The following NCKAP5 variants were observed in gnomAD, a reference collection of about 807,000 sequenced individuals.
The protein encoded by NCKAP5 is nck-associated protein 5.
In NCKAP5, 92 loss-of-function variants were observed where a neutral mutation model predicts 167.0. The observed-to-expected ratio is 0.55, with a 90% CI of 0.47 to 0.66. The LOEUF (loss-of-function observed/expected upper bound fraction) is 0.66. NCKAP5 is among the 30% of genes least tolerant of loss of function. NCKAP5 has a pLI of 0.00. For synonymous variants in NCKAP5, 891 were observed against 877.4 expected, an observed-to-expected ratio of 1.02 and a Z score of -0.27; for missense variants, 2,378 against 2,315.0, an observed-to-expected ratio of 1.03 and a Z score of -0.56.
chr2:133,597,673 C>CAAAAAAAAAAAAAAA, the NCKAP5 span, among the ~76,000 whole-genome samples: 27 of 61,102 alleles, frequency 4.4e-4, no homozygotes, highest in African/African-American at 1.2e-3. Flanking sequence ...GACTCTGTCT[C>CAAAAAAAAAAAAAAA]AAAAAAAAAA....
intron 2 of NCKAP5, among the ~76,000 whole-genome samples, chr2:133,532,264 A>AT (rs1414365056): frequency 2.0e-5 from 3 of 152,260 alleles, no homozygotes; most frequent in Non-Finnish European, 2.9e-5. Context: ...GTTGTCTTAC[A>AT]TTTTTTACCA....
chr2:133,290,708 T>C (rs1679520285), intron 4 of NCKAP5, among the ~76,000 whole-genome samples: 2 of 150,284 alleles, frequency 1.3e-5, no homozygotes, highest in South Asian at 4.2e-4. Flanking sequence ...AATGAACATA[T>C]GAGGCCACAA....
At chr2:132,867,493 A>G (rs1233672958) in intron 10 of NCKAP5, among the ~76,000 whole-genome samples, 1 of 152,168 alleles carries the variant, frequency 6.6e-6, no homozygotes, top group Admixed American at 6.6e-5. Context: ...TGGCTGTGTG[A>G]GTAAGGTCTG....
intron 8 of NCKAP5, among the ~76,000 whole-genome samples, chr2:132,911,427 T>G (rs1694444231): frequency 6.6e-6 from 1 of 152,230 alleles, no homozygotes; most frequent in Non-Finnish European, 1.5e-5. Context: ...TTTTAGTTCA[T>G]CATTGACTTT....
chr2:133,574,442 A>C, the NCKAP5 span, among the ~76,000 whole-genome samples: 18,883 of 152,166 alleles, frequency 0.12, 1,504 homozygotes, highest in Non-Finnish European at 0.17. Flanking sequence ...GCATTTGCCC[A>C]GATGGCCAGC....
intron 4 of NCKAP5, among the ~76,000 whole-genome samples, chr2:133,290,698 A>T (rs914361349): frequency 2.0e-5 from 3 of 149,018 alleles, no homozygotes; most frequent in Non-Finnish European, 4.4e-5. Flanking sequence ...TCTCATCCCT[A>T]ATGAACATAT....
At position 132,929,623 on chromosome 2, in the gene NCKAP5, T is replaced by C. The variant is rs1696203697; in HGVS notation, c.579+34097A>G. ...CCTTCTTCATCTAGGTGAGAACAGT[T>C]CTTTAGGGTCTAGGAGCAAGCATAG... On this transcript the variant is annotated intron_variant, in intron 8 of 19. Transcript: ENST00000409261. Among the ~76,000 whole-genome samples, 6 of 152,096 alleles carry C rather than the reference T, an allele frequency of 3.9e-5. No individual in the cohort carries two copies. The South Asian group carries it at 1.0e-3, about 26-fold the overall frequency.
At chr2:133,607,239 G>T in the NCKAP5 span, among the ~76,000 whole-genome samples, 1 of 152,098 alleles carries the variant, frequency 6.6e-6, no homozygotes, top group Non-Finnish European at 1.5e-5. Context: ...TTAGAAAATG[G>T]CTTATCAAGT....
At position 133,353,883 on chromosome 2, in the gene NCKAP5, C is replaced by G. The variant is rs536784261; in HGVS notation, c.70-50773G>C. On this transcript the variant is annotated intron_variant, in intron 3 of 19. Transcript: ENST00000409261. ...CTACCTCCACCACTCAGTAAAACCCCTATCCATCCTTCAAGACCTGCTTCT... is the reference window on the plus strand; with the variant it reads ...CTACCTCCACCACTCAGTAAAACCCGTATCCATCCTTCAAGACCTGCTTCT... Among the ~76,000 whole-genome samples the G allele has an allele frequency of 3.3e-4, 50 of 152,320 alleles. 1 individual carries two copies. The highest frequency in any genetic ancestry group is 1.1e-3 in the African/African-American group (47 of 41,580).
At chr2:133,471,724 C>G (rs1014438174) in intron 3 of NCKAP5, among the ~76,000 whole-genome samples, 1 of 152,262 alleles carries the variant, frequency 6.6e-6, no homozygotes, top group South Asian at 2.1e-4. Context: ...GCATGAATCT[C>G]TTACCTAAGG....
At chr2:133,319,041 T>C (rs1321519192) in intron 3 of NCKAP5, among the ~76,000 whole-genome samples, 2 of 152,118 alleles carry the variant, frequency 1.3e-5, no homozygotes, top group African/African-American at 4.8e-5. Context: ...TGTATGGTTT[T>C]AGGAGCCCTC....
At chr2:132,798,221 A>G (rs1412004334) in intron 11 of NCKAP5, among the ~76,000 whole-genome samples, 1 of 152,160 alleles carries the variant, frequency 6.6e-6, no homozygotes, top group African/African-American at 2.4e-5. Context: ...AAGCTCTAGA[A>G]TCTGACTTTC....
chr2:133,437,352 CAA>C (rs564454422), intron 3 of NCKAP5, among the ~76,000 whole-genome samples: 6 of 127,074 alleles, frequency 4.7e-5, no homozygotes, highest in Non-Finnish European at 3.4e-5. Context: ...GACTCTGTCT[CAA>C]AAAAAAAAAA....
rs149806070 is a variant in NCKAP5, at chr2:132,862,194, G to A, written c.688-1583C>T. Among the ~76,000 whole-genome samples the A allele has an allele frequency of 1.4e-3, 210 of 152,336 alleles. 1 individual carries two copies. Among genetic ancestry groups the A allele is most frequent in the African/African-American group, 4.8e-3 (198 of 41,584 alleles). On this transcript the variant is annotated intron_variant, in intron 10 of 19. Coordinates refer to ENST00000409261, the MANE Select transcript of NCKAP5 (RefSeq NM_207363.3). ...ACCTGGGCCTGCCATAACCTTGTAT[G>A]AATCTAATGGTGAAGTTAGATCTCG...
At chr2:133,471,995 G>C (rs1490066463) in intron 3 of NCKAP5, among the ~76,000 whole-genome samples, 1 of 152,090 alleles carries the variant, frequency 6.6e-6, no homozygotes, top group African/African-American at 2.4e-5. Context: ...ATTTAATTGA[G>C]TAAACTTCTA....
chr2:133,152,438 C>G (rs1377652940), intron 5 of NCKAP5, among the ~76,000 whole-genome samples: 1 of 152,128 alleles, frequency 6.6e-6, no homozygotes, highest in Non-Finnish European at 1.5e-5. Flanking sequence ...GAGATGTACG[C>G]CGAATGCATT....
At chr2:132,733,405 A>G (rs1691211511) in intron 16 of NCKAP5, among the ~76,000 whole-genome samples, 1 of 152,204 alleles carries the variant, frequency 6.6e-6, no homozygotes, top group Admixed American at 6.5e-5. Context: ...GTGCTTTAAG[A>G]ACAGAGGCTT....
At chr2:133,296,972 A>G (rs1680005134) in intron 4 of NCKAP5, among the ~76,000 whole-genome samples, 5 of 152,310 alleles carry the variant, frequency 3.3e-5, no homozygotes, top group Admixed American at 2.6e-4. Flanking sequence ...ATTTTTTATC[A>G]CTTGTTAGGA....
At chr2:132,847,278 C>T (rs1409574895) in intron 11 of NCKAP5, among the ~76,000 whole-genome samples, 1 of 152,082 alleles carries the variant, frequency 6.6e-6, no homozygotes, top group Admixed American at 6.6e-5. Context: ...TAGTGCAATA[C>T]ATTGTACTAA....
Sources: gnomAD v4.1 joint callset for allele counts (sites outside exome capture counted in the v4.1 genomes callset) on GRCh38, gnomAD v4.1.1 for gene constraint, MANE v1.5 for transcripts, NCBI Gene and HGNC (gene_info 2026-07-23, HGNC 2026-07-21) for gene names.